Variants in NKX6-2 observed in about 807,000 individuals in gnomAD.
NKX6-2 encodes NK6 homeobox 2.
NKX6-2 carries 22 observed loss-of-function variants against 19.9 expected under a neutral mutation model. The observed-to-expected ratio is 1.10, with a 90% CI of 0.79 to 1.58. The LOEUF is 1.58. NKX6-2 is among the 40% of genes most tolerant of loss of function. NKX6-2 has a pLI of 0.00. For synonymous variants in NKX6-2, 257 were observed against 204.0 expected (o/e 1.26, Z -2.21); for missense variants, 475 against 410.6 (o/e 1.16, Z -1.35).
At position 132,784,096 on chromosome 10, in the gene NKX6-2, TCC is replaced by T. The variant is rs1565019207; in HGVS notation, c.*818_*819del. ...GCGGCATTTCAGGGCAGGAGACGGG[TCC>T]CCCGAGCCCCCGGCTGGGCGCTGCG... On this transcript the variant is annotated 3_prime_UTR_variant, in exon 3 of 3. Coordinates refer to ENST00000368592, the MANE Select transcript of NKX6-2 (RefSeq NM_177400.3). 6.6e-6 allele frequency: 1 copy of T among 152,088 alleles called. No individual in the cohort carries two copies. The highest frequency in any genetic ancestry group is 1.5e-5 in the Non-Finnish European group (1 of 68,000). The allele number at this position is 152,088 out of a possible 1,614,324, so 9.4% of individuals were successfully genotyped here.
chr10:132,785,540 C>G lies in NKX6-2; in HGVS notation c.406+3G>C. ...CCCCGCACCCCCCGCGCGGGCCACT[C>G]ACCCGGGCCAGCCAGACGCGGGTCC... On this transcript the variant is annotated splice_donor_region_variant and intron_variant, in intron 1 of 2. Coordinates refer to ENST00000368592, the MANE Select transcript of NKX6-2 (RefSeq NM_177400.3). This position sits in a 1 kb window ranked among gnomAD's most constrained non-coding sequence, Gnocchi z 5.5. 1 of 1,371,048 alleles carries G rather than the reference C, an allele frequency of 7.3e-7. No homozygotes were observed. Among genetic ancestry groups the G allele is most frequent in the Non-Finnish European group, 9.4e-7 (1 of 1,068,036 alleles). The allele number at this position is 1,371,048 out of a possible 1,614,324, so 84.9% of individuals were successfully genotyped here.
In NKX6-2 at chr10:132,785,885, T is replaced by G. The variant is rs201425867; in HGVS notation, c.64A>C (p.Met22Leu). Reference protein sequence around the residue: ...SSAPLAALHNMAEMKTSLFPY... With the variant: ...SSAPLAALHNLAEMKTSLFPY... ...AACAGCGACGTCTTCATCTCGGCCA[T>G]GTTGTGCAGCGCGGCCAGCGGGGCA... is the stretch of plus-strand genomic sequence containing the variant. The change falls in exon 1 of 3, where the codon ATG (methionine) becomes CTG (leucine). Residue 22 changes from methionine (M) to leucine (L), a missense_variant. Met to Leu is a conservative substitution (Grantham distance 15, BLOSUM62 2). Transcript: ENST00000368592. This position sits in a 1 kb window ranked among gnomAD's most constrained non-coding sequence, Gnocchi z 5.5. 2,306 of 1,394,414 alleles carry G rather than the reference T, an allele frequency of 1.7e-3. 44 individuals carry two copies. The highest frequency in any genetic ancestry group is 2.3e-3 in the South Asian group (163 of 72,068). The allele number at this position is 1,394,414 out of a possible 1,614,324, so 86.4% of individuals were successfully genotyped here. A position where few individuals can be genotyped will look rare whatever the true frequency, so the allele number is the denominator to read the frequency against.
chr10:132,785,448 C>A lies in NKX6-2; in HGVS notation c.411G>T (p.Pro137=). ...CGTCCTTGTCCAGGACGCCGCCGGCCGGGGCTGCAAGGGAGGGGAAGGGAG... is the reference window on the plus strand; with the variant it reads ...CGTCCTTGTCCAGGACGCCGCCGGCAGGGGCTGCAAGGGAGGGGAAGGGAG... ...WRDPRLAGPA[P]AGGVLDKDGK... is the part of the protein sequence containing the mutation. The change falls in exon 2 of 3, where the codon CCG becomes CCT. Residue 137 remains proline (P), a synonymous_variant. Coordinates refer to ENST00000368592, the MANE Select transcript of NKX6-2 (RefSeq NM_177400.3). This position sits in a 1 kb window ranked among gnomAD's most constrained non-coding sequence, Gnocchi z 5.5. 1 of 1,576,470 alleles carries A rather than the reference C, an allele frequency of 6.3e-7. No homozygotes were observed.
Position 132,785,027 on chromosome 10 carries a change from G to C in NKX6-2, c.723C>G (p.Pro241=). The C allele has an allele frequency of 6.2e-7, 1 of 1,610,636 alleles. No individual in the cohort carries two copies. The highest frequency in any genetic ancestry group is 8.5e-7 in the Non-Finnish European group (1 of 1,177,698). ...DAEDDDEYNR[P]LDPNSDDEKI... ...TCTCGTCGTCCGAGTTGGGGTCCAG[G>C]GGCCGGTTGTATTCGTCGTCGTCCT... The change falls in exon 3 of 3, where the codon CCC becomes CCG. Residue 241 remains proline (P), a synonymous_variant. Coordinates refer to ENST00000368592, the MANE Select transcript of NKX6-2 (RefSeq NM_177400.3). The surrounding 1 kb of genome is among the most constrained non-coding windows in gnomAD (Gnocchi z 5.5).
Position 132,785,727 on chromosome 10 carries a change from G to T in NKX6-2, c.222C>A (p.Gly74=). The change falls in exon 1 of 3, where the codon GGC becomes GGA. Residue 74 remains glycine (G), a synonymous_variant. Transcript: ENST00000368592. The surrounding 1 kb of genome is among the most constrained non-coding windows in gnomAD (Gnocchi z 5.5). The stretch of plus-strand genomic sequence containing the variant: ...TGAGCCGGGGCAGCCCCCCCAGGAG[G>T]CCCCCGCCCGCCGCGCCCACGGGCC... ...LGRPVGAAGG[G]LLGGLPRLNG... 2.4e-6 allele frequency: 3 copies of T among 1,230,602 alleles called. No individual in the cohort carries two copies. The highest frequency in any genetic ancestry group is 3.0e-6 in the Non-Finnish European group (3 of 989,062). The allele number at this position is 1,230,602 out of a possible 1,614,324, so 76.2% of individuals were successfully genotyped here.
chr10:132,786,092 C>A lies in NKX6-2; in HGVS notation c.-144G>T, dbSNP rs1270373805. 7.7e-6 allele frequency: 1 copy of A among 130,506 alleles called. No individual in the cohort carries two copies. The allele number at this position is 130,506 out of a possible 1,614,324, so 8.1% of individuals were successfully genotyped here. On this transcript the variant is annotated 5_prime_UTR_variant, in exon 1 of 3. Transcript: ENST00000368592. ...GGCGCGGGGGGCGGGCGGGCGGCTCCGGCGCGGGGCGGGCGGGCGGGCGGC... is the reference window on the plus strand; with the variant it reads ...GGCGCGGGGGGCGGGCGGGCGGCTCAGGCGCGGGGCGGGCGGGCGGGCGGC...
Position 132,785,937 on chromosome 10 carries a change from GT to G in NKX6-2, c.11del (p.Asn4ThrfsTer8). The G allele has an allele frequency of 2.4e-6, 3 of 1,255,054 alleles. No individual in the cohort carries two copies. Among genetic ancestry groups the G allele is most frequent in the Non-Finnish European group, 3.1e-6 (3 of 957,306 alleles). 77.7% of individuals were successfully genotyped at this position (1,255,054 alleles called of 1,614,324 possible). A position where few individuals can be genotyped will look rare whatever the true frequency, so the allele number is the denominator to read the frequency against. MDT[N>X]RPGAFVLSSA... is the part of the protein sequence containing the mutation. Reference sequence around the variant, plus strand: ...TGCTCAGCACGAACGCGCCCGGGCGGTTAGTGTCCATGGGCGCCGCCGCCGC... The same window carrying G: ...TGCTCAGCACGAACGCGCCCGGGCGGTAGTGTCCATGGGCGCCGCCGCCGC... On this transcript the variant is annotated frameshift_variant, in exon 1 of 3. Coordinates refer to ENST00000368592, the MANE Select transcript of NKX6-2 (RefSeq NM_177400.3). LOFTEE classifies it high-confidence loss of function. This position sits in a 1 kb window ranked among gnomAD's most constrained non-coding sequence, Gnocchi z 5.5.
At position 132,784,647 on chromosome 10, in the gene NKX6-2, C is replaced by T. The variant is rs1591014575; in HGVS notation, c.*269G>A. ...CGCGGGCCGGGCCCCTTCCCTGCGC[C>T]TTCGCCGCCTCCTCGCGCCTGCCCG... On this transcript the variant is annotated 3_prime_UTR_variant, in exon 3 of 3. Coordinates refer to ENST00000368592, the MANE Select transcript of NKX6-2 (RefSeq NM_177400.3). 1 of 437,732 alleles carries T rather than the reference C, an allele frequency of 2.3e-6. No individual in the cohort carries two copies. The allele number at this position is 437,732 out of a possible 1,614,324, so 27.1% of individuals were successfully genotyped here.
Position 132,785,548 on chromosome 10 carries a change from C to G in NKX6-2, c.401G>C (p.Gly134Ala). The G allele has an allele frequency of 7.3e-7, 1 of 1,364,408 alleles. No individual in the cohort carries two copies. 84.5% of individuals were successfully genotyped at this position (1,364,408 alleles called of 1,614,324 possible). Residue 134 changes from glycine to alanine, a missense_variant, in exon 1 of 3, where the codon GGC (glycine) becomes GCC (alanine). Coordinates refer to ENST00000368592, the MANE Select transcript of NKX6-2 (RefSeq NM_177400.3). The surrounding 1 kb of genome is among the most constrained non-coding windows in gnomAD (Gnocchi z 5.5). ...CCCCCGCGCGGGCCACTCACCCGGG[C>G]CAGCCAGACGCGGGTCCCTCCAGGG... ...GAPWRDPRLA[G>A]PAPAGGVLDK...
In NKX6-2 at chr10:132,785,819, C is replaced by A; in HGVS notation, c.130G>T (p.Ala44Ser). The A allele has an allele frequency of 7.2e-7, 1 of 1,381,308 alleles. No homozygotes were observed. Among genetic ancestry groups the A allele is most frequent in the Non-Finnish European group, 9.4e-7 (1 of 1,063,644 alleles). 85.6% of individuals were successfully genotyped at this position (1,381,308 alleles called of 1,614,324 possible). A position where few individuals can be genotyped will look rare whatever the true frequency, so the allele number is the denominator to read the frequency against. Residue 44 changes from alanine (A) to serine (S), a missense_variant, in exon 1 of 3, where the codon GCG becomes TCG. Ala to Ser is a moderately conservative substitution (Grantham distance 99). Coordinates refer to ENST00000368592, the MANE Select transcript of NKX6-2 (RefSeq NM_177400.3). This position sits in a 1 kb window ranked among gnomAD's most constrained non-coding sequence, Gnocchi z 5.5. ...LQGPAGFKAP[A>S]LGGLGAQLPL... The stretch of plus-strand genomic sequence containing the variant: ...AGCTGCGCGCCCAGGCCCCCCAGCG[C>A]GGGCGCCTTGAAGCCGGCCGGACCC...
In NKX6-2 at chr10:132,785,714, GC is replaced by G. The variant is rs765650727; in HGVS notation, c.234del (p.Leu79CysfsTer109). ...VGAAGGGLLG[G>X]LPRLNGLASS... Reference sequence around the variant, plus strand: ...GACGCGAGCCCGTTGAGCCGGGGCAGCCCCCCCAGGAGGCCCCCGCCCGCCG... The same window carrying G: ...GACGCGAGCCCGTTGAGCCGGGGCAGCCCCCCAGGAGGCCCCCGCCCGCCG... On this transcript the variant is annotated frameshift_variant, in exon 1 of 3. Coordinates refer to ENST00000368592, the MANE Select transcript of NKX6-2 (RefSeq NM_177400.3). LOFTEE classifies it high-confidence loss of function. The surrounding 1 kb of genome is among the most constrained non-coding windows in gnomAD (Gnocchi z 5.5). 43 of 1,237,686 alleles carry G rather than the reference GC, an allele frequency of 3.5e-5. No homozygotes were observed. Among genetic ancestry groups the G allele is most frequent in the South Asian group, 1.7e-4 (5 of 30,014 alleles). The allele number at this position is 1,237,686 out of a possible 1,614,324, so 76.7% of individuals were successfully genotyped here. A position where few individuals can be genotyped will look rare whatever the true frequency, so the allele number is the denominator to read the frequency against.
Position 132,783,544 on chromosome 10 carries a change from G to C in NKX6-2, c.*1372C>G, listed in dbSNP as rs961311954. On this transcript the variant is annotated 3_prime_UTR_variant, in exon 3 of 3. Transcript: ENST00000368592. ...ACCTTTGAAATGCTAACTCAGGGGAGCGGCCTCCTGTATAGCCTGTTATTT... is the reference window on the plus strand; with the variant it reads ...ACCTTTGAAATGCTAACTCAGGGGACCGGCCTCCTGTATAGCCTGTTATTT... 1 of 152,404 alleles carries C rather than the reference G, an allele frequency of 6.6e-6. No homozygotes were observed. The highest frequency in any genetic ancestry group is 1.5e-5 in the Non-Finnish European group (1 of 68,058). 9.4% of individuals were successfully genotyped at this position (152,404 alleles called of 1,614,324 possible).
rs1188301355 is a variant in NKX6-2, at chr10:132,783,479, T to C, written c.*1437A>G. 6.6e-6 allele frequency: 1 copy of C among 152,448 alleles called. No homozygotes were observed. Among genetic ancestry groups the C allele is most frequent in the African/African-American group, 2.4e-5 (1 of 41,434 alleles). The allele number at this position is 152,448 out of a possible 1,614,324, so 9.4% of individuals were successfully genotyped here. On this transcript the variant is annotated 3_prime_UTR_variant, in exon 3 of 3. Coordinates refer to ENST00000368592, the MANE Select transcript of NKX6-2 (RefSeq NM_177400.3). ...GCAATAAAATTGACCGTGGTGAAAA[T>C]AGTCCCGTGTTGCTTTTTCTTCCTT...
Position 132,785,519 on chromosome 10 carries a change from G to T in NKX6-2, c.406+24C>A. ...GTCCCCCTCCGCGCCCACCCGCCCC[G>T]CACCCCCCGCGCGGGCCACTCACCC... On this transcript the variant is annotated intron_variant, in intron 1 of 2. Coordinates refer to ENST00000368592, the MANE Select transcript of NKX6-2 (RefSeq NM_177400.3). This position sits in a 1 kb window ranked among gnomAD's most constrained non-coding sequence, Gnocchi z 5.5. 7.8e-7 allele frequency: 1 copy of T among 1,289,400 alleles called. No homozygotes were observed. Among genetic ancestry groups the T allele is most frequent in the Non-Finnish European group, 1.0e-6 (1 of 996,428 alleles). The allele number at this position is 1,289,400 out of a possible 1,614,324, so 79.9% of individuals were successfully genotyped here. A position where few individuals can be genotyped will look rare whatever the true frequency, so the allele number is the denominator to read the frequency against.
rs113410929 is a variant in NKX6-2 at position 132,784,750 on chromosome 10, G to A, written c.*166C>T. ...GCGAAGCCGGGGCCGGGGAGGGGCC[G>A]CCTCGCTCCGGGTTCGAGACGGAAG... On this transcript the variant is annotated 3_prime_UTR_variant, in exon 3 of 3. Transcript: ENST00000368592. 3 of 622,360 alleles carry A rather than the reference G, an allele frequency of 4.8e-6. No homozygotes were observed. The highest frequency in any genetic ancestry group is 8.2e-6 in the Non-Finnish European group (3 of 367,372). The allele number at this position is 622,360 out of a possible 1,614,324, so 38.6% of individuals were successfully genotyped here. A position where few individuals can be genotyped will look rare whatever the true frequency, so the allele number is the denominator to read the frequency against.
Position 132,784,285 on chromosome 10 carries a change from T to C in NKX6-2, c.*631A>G, listed in dbSNP as rs973494838. 2 of 152,292 alleles carry C rather than the reference T, an allele frequency of 1.3e-5. No homozygotes were observed. Among genetic ancestry groups the C allele is most frequent in the African/African-American group, 4.8e-5 (2 of 41,468 alleles). The allele number at this position is 152,292 out of a possible 1,614,324, so 9.4% of individuals were successfully genotyped here. The stretch of plus-strand genomic sequence containing the variant: ...CTGGCGGGATGGTGACCGAAGGGCC[T>C]CCGTGCAGCGGATCAGACCCGGTTC... On this transcript the variant is annotated 3_prime_UTR_variant, in exon 3 of 3. Transcript: ENST00000368592.
Position 132,785,206 on chromosome 10 carries a change from C to G in NKX6-2, c.580-36G>C. ...ACGGGGCGGTCAGGCGGCCGCGGGGCCCGGGGCTGGCGCTGGGGCCGTTCG... is the reference window on the plus strand; with the variant it reads ...ACGGGGCGGTCAGGCGGCCGCGGGGGCCGGGGCTGGCGCTGGGGCCGTTCG... On this transcript the variant is annotated intron_variant, in intron 2 of 2. Coordinates refer to ENST00000368592, the MANE Select transcript of NKX6-2 (RefSeq NM_177400.3). This position sits in a 1 kb window ranked among gnomAD's most constrained non-coding sequence, Gnocchi z 5.5. 6 of 1,592,102 alleles carry G rather than the reference C, an allele frequency of 3.8e-6. No homozygotes were observed. Among genetic ancestry groups the G allele is most frequent in the Non-Finnish European group, 5.1e-6 (6 of 1,170,080 alleles).
chr10:132,785,497 C>T lies in NKX6-2; in HGVS notation c.407-45G>A, dbSNP rs908927737. ...AGGGAGGTCAGCGGCCGGCGGGGTC[C>T]CCCTCCGCGCCCACCCGCCCCGCAC... On this transcript the variant is annotated intron_variant, in intron 1 of 2. Coordinates refer to ENST00000368592, the MANE Select transcript of NKX6-2 (RefSeq NM_177400.3). This position sits in a 1 kb window ranked among gnomAD's most constrained non-coding sequence, Gnocchi z 5.5. The T allele has an allele frequency of 5.6e-6, 8 of 1,436,478 alleles. No individual in the cohort carries two copies. The African/African-American group carries it at 1.2e-4, about 22-fold the overall frequency. 89.0% of individuals were successfully genotyped at this position (1,436,478 alleles called of 1,614,324 possible).
At position 132,784,487 on chromosome 10, in the gene NKX6-2, C is replaced by G. The variant is rs1847223072; in HGVS notation, c.*429G>C. On this transcript the variant is annotated 3_prime_UTR_variant, in exon 3 of 3. Transcript: ENST00000368592. The stretch of plus-strand genomic sequence containing the variant: ...CTCCCGCGGGGACTCGAGGCGGGTA[C>G]GCGGCTCACCCGCCCTTTCGGGAAC... 1.2e-5 allele frequency: 2 copies of G among 163,304 alleles called. No individual in the cohort carries two copies. Among genetic ancestry groups the G allele is most frequent in the African/African-American group, 4.8e-5 (2 of 41,958 alleles). 10.1% of individuals were successfully genotyped at this position (163,304 alleles called of 1,614,324 possible).
Sources: allele counts gnomAD v4.1 joint callset, GRCh38; gene constraint gnomAD v4.1.1; non-coding constraint Gnocchi (gnomAD v3.1); transcripts MANE v1.5; gene names NCBI Gene and HGNC (gene_info 2026-07-23, HGNC 2026-07-21).